LGALS9: variants seen among roughly 807,000 people sequenced by gnomAD.
LGALS9 encodes galectin 9.
LGALS9 carries 26 observed loss-of-function variants against 35.9 expected under a neutral mutation model. The ratio of observed to expected loss-of-function variants is 0.72; its 90% CI spans 0.53 to 1.01. LGALS9 has a LOEUF of 1.01. Ranked by LOEUF, LGALS9 falls within the 50% of genes least tolerant of loss-of-function variation. The probability of loss-of-function intolerance (pLI) is 0.00; values close to 1 mark genes in which losing one functional copy is unlikely to be tolerated. For missense variants in LGALS9, 347 were observed against 445.8 expected, an observed-to-expected ratio of 0.78 and a Z score of 1.99; for synonymous variants, 149 against 172.2, an observed-to-expected ratio of 0.87 and a Z score of 1.06.
chr17:27,647,202 C>T, intron 9 of LGALS9, 68 bp from the exon 10 acceptor site: 3 of 1,613,682 alleles, frequency 1.9e-6, no homozygotes, highest in Non-Finnish European at 1.7e-6. Context: ...AGGAAGGCTA[C>T]TGATGATGGG....
In LGALS9 at chr17:27,646,990, C is replaced by T. The variant is rs1365855764; in HGVS notation, c.670-40C>T. 1.9e-6 allele frequency: 3 copies of T among 1,613,316 alleles called. No homozygotes were observed. In the Admixed American group the frequency reaches 5.0e-5, roughly 27 times the overall value. ...TCATGGGAACTGGTACAATCTTCCCCTTCCGCGTGGTGGCTGACCTGTCCC... is the reference window on the plus strand; with the variant it reads ...TCATGGGAACTGGTACAATCTTCCCTTTCCGCGTGGTGGCTGACCTGTCCC... On this transcript the variant is annotated intron_variant, in intron 8 of 10. Coordinates refer to ENST00000395473, the MANE Select transcript of LGALS9 (RefSeq NM_009587.3).
intron 1 of LGALS9, among the ~76,000 whole-genome samples, 166 bp downstream of exon 1, chr17:27,631,470 C>G (rs113037308): frequency 6.6e-6 from 1 of 152,170 alleles, no homozygotes; most frequent in Non-Finnish European, 1.5e-5. Context: ...ACACCTGTGC[C>G]GTGCTGAGCT....
At chr17:27,648,724 G>C in intron 10 of LGALS9, 112 bp from the exon 11 acceptor site, 2 of 1,555,122 alleles carry the variant, frequency 1.3e-6, no homozygotes, top group Non-Finnish European at 1.7e-6. Flanking sequence ...TGCAGGTGAG[G>C]GGCTTATTAA....
At chr17:27,631,725 C>T (rs921402691) in intron 1 of LGALS9, among the ~76,000 whole-genome samples, 2 of 152,072 alleles carry the variant, frequency 1.3e-5, no homozygotes, top group Non-Finnish European at 2.9e-5. Flanking sequence ...GTCTCTGGGC[C>T]TCAGTTTCCA....
At chr17:27,635,592 G>A (rs144733386) in intron 1 of LGALS9, among the ~76,000 whole-genome samples, 1,544 of 152,026 alleles carry the variant, frequency 0.01, 30 homozygotes, top group African/African-American at 0.035. Context: ...GTCCTGTCCC[G>A]CCCCCATGAT....
intron 10 of LGALS9, among the ~76,000 whole-genome samples, chr17:27,648,256 A>G (rs984329506): frequency 1.3e-5 from 2 of 152,266 alleles, no homozygotes; most frequent in African/African-American, 4.8e-5. Context: ...AGGGAGCAAC[A>G]TACTTTGATT....
rs190495369 is a variant in LGALS9, at chr17:27,643,339, G to A, written c.445-186G>A. On this transcript the variant is annotated intron_variant, in intron 4 of 10. Coordinates refer to ENST00000395473, the MANE Select transcript of LGALS9 (RefSeq NM_009587.3). ...GTAGGGGAGGGAAGAGCTGGAGGGAGACCGCACCCCTGCACTGCTCACCAG... is the reference window on the plus strand; with the variant it reads ...GTAGGGGAGGGAAGAGCTGGAGGGAAACCGCACCCCTGCACTGCTCACCAG... 7.9e-5 allele frequency among the ~76,000 whole-genome samples: 12 copies of A among 152,264 alleles called. 1 individual carries two copies. The highest frequency in any genetic ancestry group is 2.9e-4 in the African/African-American group (12 of 41,556).
chr17:27,631,415 A>G (rs2074391825), intron 1 of LGALS9, 111 bp downstream of exon 1: 4 of 1,391,274 alleles, frequency 2.9e-6, no homozygotes, highest in Non-Finnish European at 4.0e-6. Flanking sequence ...GGCATCCCAA[A>G]GAGAACACAA....
At chr17:27,641,760 G>C (rs1904517997) in intron 3 of LGALS9, among the ~76,000 whole-genome samples, 1 of 152,040 alleles carries the variant, frequency 6.6e-6, no homozygotes, top group Admixed American at 6.6e-5. Context: ...GATCGCTTCA[G>C]GTCAGGAGTC....
chr17:27,634,080 C>T (rs1325352797), intron 1 of LGALS9, among the ~76,000 whole-genome samples: 5 of 152,246 alleles, frequency 3.3e-5, no homozygotes, highest in Admixed American at 6.5e-5. Flanking sequence ...GCTGGCCAAT[C>T]TTAAAACAAC....
chr17:27,643,407 C>G, intron 4 of LGALS9, 118 bp from the exon 5 acceptor site: 3 of 1,501,952 alleles, frequency 2.0e-6, no homozygotes, highest in Non-Finnish European at 2.7e-6. Flanking sequence ...GCCCTAACCC[C>G]CTTGCCTCAT....
Position 27,641,692 on chromosome 17 carries a change from G to T in LGALS9, c.334-546G>T, listed in dbSNP as rs1267719373. On this transcript the variant is annotated intron_variant, in intron 3 of 10. Transcript: ENST00000395473. ...TGGAACTTAAAATCAAAGTTGAAGG[G>T]GATGGAAATGGCAGATCACGCCTAT... Among the ~76,000 whole-genome samples, 2 of 152,132 alleles carry T rather than the reference G, an allele frequency of 1.3e-5. 1 individual carries two copies. The highest frequency in any genetic ancestry group is 1.3e-4 in the Admixed American group (2 of 15,276).
At chr17:27,633,246 G>A (rs1332919118) in intron 1 of LGALS9, among the ~76,000 whole-genome samples, 5 of 152,216 alleles carry the variant, frequency 3.3e-5, no homozygotes, top group Admixed American at 1.3e-4. Flanking sequence ...AAAAGTGGCC[G>A]GGGTTGCTGT....
intron 2 of LGALS9, 188 bp from the exon 3 acceptor site, chr17:27,640,384 A>G (rs1567914485): frequency 4.5e-6 from 4 of 893,646 alleles, no homozygotes; most frequent in Non-Finnish European, 6.8e-6. Context: ...GGCAAAATCC[A>G]ATAATTAAAA....
rs367703546 is a variant in LGALS9, at chr17:27,640,586, T to C, written c.146T>C (p.Phe49Ser). 2 of 1,613,972 alleles carry C rather than the reference T, an allele frequency of 1.2e-6. No individual in the cohort carries two copies. The highest frequency in any genetic ancestry group is 1.1e-5 in the South Asian group (1 of 91,082). ...SSSGTRFAVNFQTGFSGNDIA... is the reference protein window; with the variant it reads ...SSSGTRFAVNSQTGFSGNDIA... ...CCTGGGCCTAGGTTTGCTGTGAACT[T>C]TCAGACTGGCTTCAGTGGAAATGAC... The change falls in exon 3 of 11, where the codon TTT (phenylalanine) becomes TCT (serine). Residue 49 changes from phenylalanine (F) to serine (S), a missense_variant. Phe to Ser is a radical substitution (Grantham distance 155). Transcript: ENST00000395473.
chr17:27,637,926 C>T (rs1174694971), intron 1 of LGALS9, among the ~76,000 whole-genome samples: 1 of 152,000 alleles, frequency 6.6e-6, no homozygotes, highest in Admixed American at 6.6e-5. Flanking sequence ...CTGCTACTTC[C>T]CTGCCTGGAA....
At position 27,649,326 on chromosome 17, in the gene LGALS9, C is replaced by T. The variant is rs1054745565; in HGVS notation, c.*344C>T. ...ATCCCCCACGCAGCTCCACCCCAGTCCCAAGCCACCAGCTGTCTGCTCCTG... is the reference window on the plus strand; with the variant it reads ...ATCCCCCACGCAGCTCCACCCCAGTTCCAAGCCACCAGCTGTCTGCTCCTG... On this transcript the variant is annotated 3_prime_UTR_variant, in exon 11 of 11. Coordinates refer to ENST00000395473, the MANE Select transcript of LGALS9 (RefSeq NM_009587.3). 14 of 376,878 alleles carry T rather than the reference C, an allele frequency of 3.7e-5. No individual in the cohort carries two copies. Among genetic ancestry groups the T allele is most frequent in the Non-Finnish European group, 6.1e-5 (12 of 197,334 alleles). 23.3% of individuals were successfully genotyped at this position (376,878 alleles called of 1,614,324 possible). A position where few individuals can be genotyped will look rare whatever the true frequency, so the allele number is the denominator to read the frequency against.
Position 27,634,048 on chromosome 17 carries a change from T to C in LGALS9, c.39+2744T>C, listed in dbSNP as rs1276274645. On this transcript the variant is annotated intron_variant, in intron 1 of 10. Coordinates refer to ENST00000395473, the MANE Select transcript of LGALS9 (RefSeq NM_009587.3). ...TTCCTGGGTTTTCTGGACACACTTA[T>C]CCAAATTCCACAGCAGCCTTGGCTG... 8.5e-5 allele frequency among the ~76,000 whole-genome samples: 13 copies of C among 152,270 alleles called. 1 individual carries two copies. The highest frequency in any genetic ancestry group is 8.5e-4 in the Admixed American group (13 of 15,286).
In LGALS9 at chr17:27,648,916, G is replaced by A. The variant is rs373192382; in HGVS notation, c.1002G>A (p.Arg334=). ...QHLFEYYHRL[R]NLPTINRLEV... is the part of the protein sequence containing the mutation. Reference sequence around the variant, plus strand: ...TGTTTGAATACTACCATCGCCTGAGGAACCTGCCCACCATCAACAGACTGG... The same window carrying A: ...TGTTTGAATACTACCATCGCCTGAGAAACCTGCCCACCATCAACAGACTGG... The change falls in exon 11 of 11, where the codon AGG becomes AGA. Residue 334 remains arginine (R), a synonymous_variant. Transcript: ENST00000395473. The A allele has an allele frequency of 5.6e-5, 91 of 1,613,832 alleles. No homozygotes were observed. The highest frequency in any genetic ancestry group is 7.6e-5 in the Non-Finnish European group (90 of 1,179,854).
Sources: allele counts gnomAD v4.1 joint callset (sites outside exome capture counted in the v4.1 genomes callset), GRCh38; gene constraint gnomAD v4.1.1; transcripts MANE v1.5; gene names NCBI Gene and HGNC (gene_info 2026-07-23, HGNC 2026-07-21).